FAM163A: variants seen among roughly 807,000 people sequenced by gnomAD.
The protein encoded by FAM163A is family with sequence similarity 163 member A.
FAM163A carries 7 observed loss-of-function variants against 12.0 expected under a neutral mutation model. The observed-to-expected ratio is 0.58, with a 90% confidence interval of 0.33 to 1.10. FAM163A has a LOEUF of 1.10. FAM163A is among the 50% of genes least tolerant of loss of function. FAM163A has a pLI of 0.03. For missense variants in FAM163A, 202 were observed against 218.6 expected (o/e 0.92, Z 0.48); for synonymous variants, 101 against 91.0 (o/e 1.11, Z -0.62).
chr1:179,781,761 C>T (rs976317511), intron 1 of FAM163A, among the ~76,000 whole-genome samples: 2 of 151,938 alleles, frequency 1.3e-5, no homozygotes, highest in Admixed American at 1.3e-4. Flanking sequence ...TGGTGAAACC[C>T]CGTCTCTACT....
intron 4 of FAM163A, 88 bp from the exon 5 acceptor site, chr1:179,813,691 G>T (rs1487687378): frequency 1.4e-6 from 2 of 1,472,284 alleles, no homozygotes; most frequent in Non-Finnish European, 1.9e-6. Flanking sequence ...CCATGGAGCA[G>T]GGGACAGGGG....
intron 1 of FAM163A, among the ~76,000 whole-genome samples, chr1:179,777,595 A>T (rs1453156338): frequency 6.6e-6 from 1 of 152,156 alleles, no homozygotes; most frequent in Admixed American, 6.5e-5. Context: ...GAAGGTTTGA[A>T]CACTGCTGCT....
chr1:179,785,395 A>G (rs1353298873), intron 1 of FAM163A, among the ~76,000 whole-genome samples: 1 of 152,196 alleles, frequency 6.6e-6, no homozygotes, highest in Non-Finnish European at 1.5e-5. Flanking sequence ...GTTTTCTTTG[A>G]TAAAATGAGA....
chr1:179,782,430 G>A (rs887597709), intron 1 of FAM163A, among the ~76,000 whole-genome samples: 1 of 151,952 alleles, frequency 6.6e-6, no homozygotes, highest in African/African-American at 2.4e-5. Context: ...ATGTGGTCCG[G>A]GCAGCACAGG....
intron 1 of FAM163A, among the ~76,000 whole-genome samples, chr1:179,775,002 G>A (rs919202093): frequency 1.3e-5 from 2 of 152,202 alleles, no homozygotes; most frequent in East Asian, 1.9e-4. Flanking sequence ...AAAGAATGAA[G>A]CAACAAAAGA....
intron 1 of FAM163A, among the ~76,000 whole-genome samples, chr1:179,743,631 G>A (rs1198401988): frequency 6.6e-6 from 1 of 152,178 alleles, no homozygotes; most frequent in Non-Finnish European, 1.5e-5. Flanking sequence ...GTTCCCCACT[G>A]GGTCTGGGTC....
At chr1:179,795,539 G>A (rs1327089001) in intron 1 of FAM163A, among the ~76,000 whole-genome samples, 2 of 152,132 alleles carry the variant, frequency 1.3e-5, no homozygotes, top group Admixed American at 1.3e-4. Flanking sequence ...TTCTGCCATC[G>A]GATGACCCCC....
At chr1:179,773,900 C>G (rs1227641152) in intron 1 of FAM163A, among the ~76,000 whole-genome samples, 1 of 152,188 alleles carries the variant, frequency 6.6e-6, no homozygotes, top group Non-Finnish European at 1.5e-5. Flanking sequence ...ATGTTGCCCA[C>G]TAAACAGAGA....
the FAM163A span, among the ~76,000 whole-genome samples, chr1:179,732,836 G>T: frequency 1.6e-5 from 2 of 121,636 alleles, no homozygotes; most frequent in African/African-American, 6.4e-5. Context: ...AGCTGAGATC[G>T]CACCACTACA....
At chr1:179,740,282 G>A (rs1044137023), upstream of FAM163A, among the ~76,000 whole-genome samples, 2 of 152,086 alleles carry the variant, frequency 1.3e-5, no homozygotes, top group East Asian at 1.9e-4. Context: ...GGGTTCAAGG[G>A]ATCCTCCCCC....
intron 1 of FAM163A, among the ~76,000 whole-genome samples, chr1:179,804,592 G>A (rs2148333647): frequency 6.6e-6 from 1 of 152,276 alleles, no homozygotes; most frequent in East Asian, 1.9e-4. Flanking sequence ...AAGAAAATGT[G>A]GTACATATAC....
chr1:179,785,503 A>G (rs1457439149), intron 1 of FAM163A, among the ~76,000 whole-genome samples: 1 of 152,156 alleles, frequency 6.6e-6, no homozygotes, highest in Non-Finnish European at 1.5e-5. Flanking sequence ...CCAGCAGCCC[A>G]GCCCACACTC....
Position 179,814,614 on chromosome 1 carries a change from G to T in FAM163A, c.*425G>T. The T allele has an allele frequency of 6.1e-6, 1 of 164,418 alleles. No individual in the cohort carries two copies. The highest frequency in any genetic ancestry group is 1.3e-5 in the Non-Finnish European group (1 of 75,938). The allele number at this position is 164,418 out of a possible 1,614,324, so 10.2% of individuals were successfully genotyped here. ...CCGTGCCTAGGAAAAGGGGACAGAG[G>T]GCAAGGAGAGAAGTGAGAGCTACAA... On this transcript the variant is annotated 3_prime_UTR_variant, in exon 5 of 5. Transcript: ENST00000341785.
At chr1:179,750,882 G>A (rs1685181326) in intron 1 of FAM163A, among the ~76,000 whole-genome samples, 1 of 152,228 alleles carries the variant, frequency 6.6e-6, no homozygotes. Flanking sequence ...GTGGTGGAGA[G>A]ACATAGATGT....
chr1:179,799,533 T>C (rs1421755129), intron 1 of FAM163A, among the ~76,000 whole-genome samples: 1 of 152,258 alleles, frequency 6.6e-6, no homozygotes, highest in Non-Finnish European at 1.5e-5. Context: ...CCGGAAATAG[T>C]CATGTGACTG....
chr1:179,769,851 T>C (rs1688020755), intron 1 of FAM163A, among the ~76,000 whole-genome samples: 1 of 152,090 alleles, frequency 6.6e-6, no homozygotes, highest in East Asian at 1.9e-4. Context: ...GTAAATACAT[T>C]GTTTTGTTCA....
chr1:179,814,038 G>A lies in FAM163A; in HGVS notation c.353G>A (p.Gly118Glu). Residue 118 changes from glycine (G) to glutamate (E), a missense_variant, in exon 5 of 5, where the codon GGA becomes GAA. Transcript: ENST00000341785. ...GCTGACATGGTGCCCAATGGGGGTG[G>A]AGGCGAGAGGCTCTCCTTTGCTCCC... is the stretch of plus-strand genomic sequence containing the variant. ...RTADMVPNGGGGERLSFAPTY... is the reference protein window; with the variant it reads ...RTADMVPNGGEGERLSFAPTY... The A allele has an allele frequency of 6.2e-7, 1 of 1,613,518 alleles. No individual in the cohort carries two copies. The highest frequency in any genetic ancestry group is 8.5e-7 in the Non-Finnish European group (1 of 1,179,634).
At chr1:179,737,407 G>A in the FAM163A span, among the ~76,000 whole-genome samples, 7 of 152,176 alleles carry the variant, frequency 4.6e-5, no homozygotes, top group Admixed American at 1.3e-4. Context: ...AGTTATACAA[G>A]ATGAATAAAT....
chr1:179,743,674 C>G (rs568612326), intron 1 of FAM163A, among the ~76,000 whole-genome samples: 5 of 152,234 alleles, frequency 3.3e-5, no homozygotes, highest in Non-Finnish European at 5.9e-5. Context: ...GCGCCAGGGG[C>G]CTCTCGCTCC....
Sources: gnomAD v4.1 joint callset for allele counts (sites outside exome capture counted in the v4.1 genomes callset) on GRCh38, gnomAD v4.1.1 for gene constraint, MANE v1.5 for transcripts, NCBI Gene and HGNC (gene_info 2026-07-23, HGNC 2026-07-21) for gene names.